Variants in SCUBE2 observed in about 807,000 individuals in gnomAD.
SCUBE2 encodes signal peptide, CUB domain and EGF like domain containing 2.
Under a neutral mutation model 125.9 loss-of-function variants are expected in SCUBE2, and 114 were observed. That is an observed-to-expected ratio of 0.91 (90% CI 0.78 to 1.06). The LOEUF is 1.06. Ranked by LOEUF, SCUBE2 falls within the 50% of genes least tolerant of loss-of-function variation. The pLI is 0.00. For missense variants in SCUBE2, 1,255 were observed against 1,301.8 expected, an observed-to-expected ratio of 0.96 and a Z score of 0.55; for synonymous variants, 459 against 492.9, an observed-to-expected ratio of 0.93 and a Z score of 0.91.
rs1166547761 is a variant in SCUBE2, at chr11:9,079,476, C to T, written c.290G>A (p.Gly97Asp). 1.1e-5 allele frequency: 17 copies of T among 1,613,792 alleles called. No individual in the cohort carries two copies. Among genetic ancestry groups the T allele is most frequent in the Admixed American group, 1.7e-5 (1 of 59,998 alleles). ...AATATTCAAACAGTCATGGACACAG[C>T]CTCCATTGAGCTCATTTCCACATTC... ...IDECGNELNG[G>D]CVHDCLNIPG... is the part of the protein sequence containing the mutation. The change falls in exon 3 of 23, where the codon GGC becomes GAC. Residue 97 changes from glycine to aspartate, a missense_variant. Physicochemically the swap from Gly to Asp is moderately conservative, Grantham distance 94 (BLOSUM62 -1). Around this residue, in one of 3 missense-constraint regions of SCUBE2, gnomAD observed 362 missense variants for 323.0 expected, o/e 1.12. Transcript: ENST00000649792.
At chr11:9,078,302 G>A (rs919582949) in intron 3 of SCUBE2, among the ~76,000 whole-genome samples, 1 of 152,214 alleles carries the variant, frequency 6.6e-6, no homozygotes, top group African/African-American at 2.4e-5. Context: ...AAAGCCACGT[G>A]ATGTGTCACC....
intron 2 of SCUBE2, among the ~76,000 whole-genome samples, chr11:9,081,598 T>A (rs1460100445): frequency 6.6e-6 from 1 of 152,000 alleles, no homozygotes; most frequent in Non-Finnish European, 1.5e-5. Context: ...GGTGAGAGGA[T>A]CGCTTGAGAC....
intron 1 of SCUBE2, among the ~76,000 whole-genome samples, 182 bp from the exon 2 acceptor site, chr11:9,090,011 A>G (rs963167): frequency 0.86 from 129,944 of 151,920 alleles, 55,658 homozygotes; most frequent in Non-Finnish European, 0.88. Context: ...AACAGCCCGG[A>G]CACTCTACGT....
Position 9,065,840 on chromosome 11 carries a change from GA to G in SCUBE2, c.850+50del, listed in dbSNP as rs747777099. On this transcript the variant is annotated intron_variant, in intron 7 of 22. Transcript: ENST00000649792. ...TTCAGGTCTGATGCAATAAGTTGGG[GA>G]GGGAAAAGGACAATTGCAGTGGCCA... 6.7e-6 allele frequency: 10 copies of G among 1,492,596 alleles called. No individual in the cohort carries two copies. In the East Asian group the frequency reaches 2.3e-4, roughly 34 times the overall value. The allele number at this position is 1,492,596 out of a possible 1,614,324, so 92.5% of individuals were successfully genotyped here.
rs1461990864 is a variant in SCUBE2 at position 9,076,035 on chromosome 11, G to C, written c.383-1420C>G. 2.0e-5 allele frequency among the ~76,000 whole-genome samples: 3 copies of C among 152,236 alleles called. No homozygotes were observed. The East Asian group carries it at 5.8e-4, about 29-fold the overall frequency. On this transcript the variant is annotated intron_variant, in intron 3 of 22. Coordinates refer to ENST00000649792, the MANE Select transcript of SCUBE2 (RefSeq NM_001367977.2). ...CTGAAATGTAGGGCTAGGTCCAGTA[G>C]GCAGTGGCAAACCTCAGTGGGGAGC...
chr11:9,074,727 G>T, intron 3 of SCUBE2, 112 bp from the exon 4 acceptor site: 3 of 1,232,912 alleles, frequency 2.4e-6, no homozygotes, highest in Non-Finnish European at 2.3e-6. Flanking sequence ...TCACGTCCCT[G>T]CACCACAGAA....
chr11:9,066,095 CT>C (rs1564835803), intron 6 of SCUBE2, 115 bp from the exon 7 acceptor site: 2 of 701,982 alleles, frequency 2.8e-6, no homozygotes, highest in Non-Finnish European at 2.5e-6. Flanking sequence ...ATATGTGACT[CT>C]GTTCACGCAA....
intron 13 of SCUBE2, among the ~76,000 whole-genome samples, chr11:9,051,851 C>T (rs1176866539): frequency 6.6e-6 from 1 of 152,170 alleles, no homozygotes; most frequent in Non-Finnish European, 1.5e-5. Flanking sequence ...CCCAAATCAC[C>T]AAGGAACTGT....
Position 9,080,391 on chromosome 11 carries a change from A to T in SCUBE2, c.257-882T>A, listed in dbSNP as rs559524265. Among the ~76,000 whole-genome samples the T allele has an allele frequency of 2.6e-5, 4 of 152,344 alleles. No individual in the cohort carries two copies. In the South Asian group the frequency reaches 8.3e-4, roughly 32 times the overall value. On this transcript the variant is annotated intron_variant, in intron 2 of 22. Transcript: ENST00000649792. Reference sequence around the variant, plus strand: ...CTTTAAGATATTGGGATGGCTAGGCATGATCTTTGGGTGCACTTTGGGAGC... The same window carrying T: ...CTTTAAGATATTGGGATGGCTAGGCTTGATCTTTGGGTGCACTTTGGGAGC...
At position 9,031,496 on chromosome 11, in the gene SCUBE2, G is replaced by C. The variant is rs1043836590; in HGVS notation, c.2174-571C>G. On this transcript the variant is annotated intron_variant, in intron 17 of 22. Transcript: ENST00000649792. ...ATTTAAAAATTAGCCAGACATAGTG[G>C]CACATGTCTGTAGTCCCAGCTACTC... Among the ~76,000 whole-genome samples, 10 of 152,190 alleles carry C rather than the reference G, an allele frequency of 6.6e-5. No individual in the cohort carries two copies. The East Asian group carries it at 1.7e-3, about 26-fold the overall frequency.
At chr11:9,027,666 G>A (rs1183936847) in intron 19 of SCUBE2, 105 bp from the exon 20 acceptor site, 3 of 966,348 alleles carry the variant, frequency 3.1e-6, no homozygotes, top group Non-Finnish European at 4.6e-6. Flanking sequence ...CCCAGGAATG[G>A]GGCATGAAAA....
intron 2 of SCUBE2, among the ~76,000 whole-genome samples, chr11:9,084,846 TC>T (rs1286472177): frequency 2.6e-5 from 4 of 152,212 alleles, no homozygotes; most frequent in South Asian, 2.1e-4. Flanking sequence ...CAAGTGATCC[TC>T]CTGCCTCAGC....
intron 16 of SCUBE2, among the ~76,000 whole-genome samples, chr11:9,041,425 A>C (rs1211598951): frequency 6.6e-6 from 1 of 152,186 alleles, no homozygotes; most frequent in Admixed American, 6.5e-5. Context: ...ATTCAACCCT[A>C]GGATAATCAG....
At chr11:9,089,903 A>G in intron 1 of SCUBE2, 74 bp from the exon 2 acceptor site, 1 of 1,557,440 alleles carries the variant, frequency 6.4e-7, no homozygotes, top group Non-Finnish European at 8.7e-7. Context: ...CCTGTCTGGC[A>G]TCATCCTCAC....
intron 4 of SCUBE2, among the ~76,000 whole-genome samples, chr11:9,071,426 T>C (rs935947010): frequency 2.0e-5 from 3 of 152,208 alleles, no homozygotes; most frequent in African/African-American, 7.2e-5. Context: ...CAAGACATAA[T>C]AGAGACTTAA....
intron 16 of SCUBE2, among the ~76,000 whole-genome samples, chr11:9,042,103 G>A (rs1857309323): frequency 6.6e-6 from 1 of 152,090 alleles, no homozygotes; most frequent in African/African-American, 2.4e-5. Context: ...AGACACCCAT[G>A]GACACCTCTG....
In SCUBE2 at chr11:9,050,720, G is replaced by A; in HGVS notation, c.1535-10C>T. ...CTGATGGTGGTGACATCTTCAGAAA[G>A]AAACAAGTGAGAGATGTTACCTTCA... On this transcript the variant is annotated splice_polypyrimidine_tract_variant and intron_variant, in intron 13 of 22. Transcript: ENST00000649792. 1 of 1,601,572 alleles carries A rather than the reference G, an allele frequency of 6.2e-7. No individual in the cohort carries two copies. The highest frequency in any genetic ancestry group is 8.6e-7 in the Non-Finnish European group (1 of 1,168,496).
chr11:9,061,311 CTT>C, intron 7 of SCUBE2, among the ~76,000 whole-genome samples: 1 of 152,202 alleles, frequency 6.6e-6, no homozygotes, highest in East Asian at 1.9e-4. Context: ...AATCCCAACA[CTT>C]TGGGAGGCTG....
chr11:9,089,618 G>A, intron 2 of SCUBE2, 89 bp downstream of exon 2: 1 of 1,445,244 alleles, frequency 6.9e-7, no homozygotes, highest in Admixed American at 1.9e-5. Flanking sequence ...AGGAGGGGCA[G>A]TACTTTTACC....
Sources: allele counts gnomAD v4.1 joint callset (sites outside exome capture counted in the v4.1 genomes callset), GRCh38; gene constraint gnomAD v4.1.1; regional missense constraint gnomAD v4.1.1; transcripts MANE v1.5; gene names NCBI Gene and HGNC (gene_info 2026-07-23, HGNC 2026-07-21).